CEP85L: variants seen among roughly 807,000 people sequenced by gnomAD.
CEP85L encodes the protein centrosomal protein of 85 kDa-like.
A neutral mutation model predicts 100.3 loss-of-function variants in CEP85L; 60 were observed. That is an observed-to-expected ratio of 0.60 (90% CI 0.49 to 0.74). CEP85L has a LOEUF of 0.74. Among genes scored for constraint, CEP85L ranks in the 30% least tolerant of loss-of-function variants. CEP85L has a pLI of 0.00. For synonymous variants in CEP85L, 319 were observed against 322.7 expected (o/e 0.99, Z 0.12); for missense variants, 973 against 936.2 (o/e 1.04, Z -0.51).
chr6:118,586,727 AC>A (rs1023389351), intron 2 of CEP85L, among the ~76,000 whole-genome samples: 1 of 152,178 alleles, frequency 6.6e-6, no homozygotes, highest in Non-Finnish European at 1.5e-5. Context: ...ATTCAGTCTC[AC>A]CCCTACCTCA....
intron 5 of CEP85L, among the ~76,000 whole-genome samples, chr6:118,495,864 A>G (rs1774884708): frequency 6.6e-6 from 1 of 152,236 alleles, no homozygotes; most frequent in South Asian, 2.1e-4. Context: ...GTGGTATGCA[A>G]TCCAGGTTGA....
At chr6:118,527,539 CAG>C (rs1413394017) in intron 3 of CEP85L, among the ~76,000 whole-genome samples, 1 of 152,096 alleles carries the variant, frequency 6.6e-6, no homozygotes, top group Admixed American at 6.5e-5. Flanking sequence ...ATATTATTAA[CAG>C]AAACTCTCTA....
intron 2 of CEP85L, among the ~76,000 whole-genome samples, chr6:118,630,076 T>C (rs191513598): frequency 2.0e-5 from 3 of 152,334 alleles, no homozygotes; most frequent in Admixed American, 6.5e-5. Context: ...ACTTCTTCCC[T>C]ACATTTCACC....
intron 2 of CEP85L, among the ~76,000 whole-genome samples, chr6:118,567,267 A>G (rs1297694010): frequency 3.5e-5 from 5 of 141,966 alleles, no homozygotes; most frequent in East Asian, 2.1e-4. Context: ...ATATATATAT[A>G]TATATATATA....
intron 1 of CEP85L, among the ~76,000 whole-genome samples, chr6:118,650,755 C>T (rs1324642134): frequency 6.6e-6 from 1 of 152,146 alleles, no homozygotes; most frequent in Non-Finnish European, 1.5e-5. Flanking sequence ...CGGGAGGGCG[C>T]GGAACTGCGG....
chr6:118,646,610 T>C (rs1775211175), intron 1 of CEP85L, among the ~76,000 whole-genome samples: 2 of 151,646 alleles, frequency 1.3e-5, no homozygotes, highest in South Asian at 4.2e-4. Flanking sequence ...CGGAGGTTGC[T>C]GTGAGCCGAG....
At chr6:118,515,143 G>A (rs1324025713) in intron 4 of CEP85L, among the ~76,000 whole-genome samples, 2 of 151,792 alleles carry the variant, frequency 1.3e-5, no homozygotes, top group African/African-American at 2.4e-5. Context: ...TATTGCCAGG[G>A]ACAAAAATTA....
chr6:118,663,498 A>T (rs1490335530), intron 1 of CEP85L, among the ~76,000 whole-genome samples: 4 of 152,240 alleles, frequency 2.6e-5, no homozygotes, highest in Non-Finnish European at 5.9e-5. Flanking sequence ...AAAGGATATG[A>T]AGTTGCATAT....
intron 6 of CEP85L, among the ~76,000 whole-genome samples, chr6:118,490,917 C>A (rs1774512002): frequency 6.6e-6 from 1 of 151,194 alleles, no homozygotes; most frequent in African/African-American, 2.4e-5. Flanking sequence ...TTTTCTTTAT[C>A]GATTCTTTGC....
chr6:118,585,794 G>C lies in CEP85L; in HGVS notation c.233-19478C>G, dbSNP rs117835601. Reference sequence around the variant, plus strand: ...AAGTCTGTCTTAAAAATAATCCCCTGAACAGGCGACTCCTTCCTCCTCAAA... The same window carrying C: ...AAGTCTGTCTTAAAAATAATCCCCTCAACAGGCGACTCCTTCCTCCTCAAA... On this transcript the variant is annotated intron_variant, in intron 2 of 12. Transcript: ENST00000368491. 1.9e-3 allele frequency among the ~76,000 whole-genome samples: 293 copies of C among 152,246 alleles called. 2 individuals are homozygous for C. The highest frequency in any genetic ancestry group is 3.0e-3 in the Non-Finnish European group (203 of 68,006).
At chr6:118,492,526 T>C (rs1234242117) in intron 5 of CEP85L, among the ~76,000 whole-genome samples, 1 of 152,136 alleles carries the variant, frequency 6.6e-6, no homozygotes, top group Non-Finnish European at 1.5e-5. Context: ...AAGGGGAAGA[T>C]ATTCCCTCTC....
chr6:118,605,546 A>G (rs1772135092), intron 2 of CEP85L, among the ~76,000 whole-genome samples: 2 of 152,208 alleles, frequency 1.3e-5, no homozygotes, highest in South Asian at 4.1e-4. Context: ...AACACAATGC[A>G]AAACAGAACA....
chr6:118,586,328 G>A (rs1258381747), intron 2 of CEP85L, among the ~76,000 whole-genome samples: 3 of 152,106 alleles, frequency 2.0e-5, no homozygotes, highest in Non-Finnish European at 2.9e-5. Context: ...TATTAGATCG[G>A]GAAACCTCTG....
intron 2 of CEP85L, among the ~76,000 whole-genome samples, chr6:118,576,715 T>C (rs2115053511): frequency 6.6e-6 from 1 of 152,278 alleles, no homozygotes; most frequent in African/African-American, 2.4e-5. Flanking sequence ...TTTAGGGCAC[T>C]GCCCTAAAAC....
At chr6:118,618,148 C>T (rs1398401054) in intron 2 of CEP85L, among the ~76,000 whole-genome samples, 1 of 152,078 alleles carries the variant, frequency 6.6e-6, no homozygotes, top group African/African-American at 2.4e-5. Flanking sequence ...GAGACCATGG[C>T]CCCACCAGAG....
rs1295722186 is a variant in CEP85L, at chr6:118,526,062, TGAAAA to T, written c.1021-2147_1021-2143del. 3.9e-5 allele frequency among the ~76,000 whole-genome samples: 6 copies of T among 152,180 alleles called. No homozygotes were observed. The East Asian group carries it at 1.2e-3, about 29-fold the overall frequency. On this transcript the variant is annotated intron_variant, in intron 3 of 12. Coordinates refer to ENST00000368491, the MANE Select transcript of CEP85L (RefSeq NM_001042475.3). ...GAACAGACTAAGGATAGAGATCAGT[TGAAAA>T]GAAGGCACATACTTTTGTCAGATGG...
chr6:118,608,432 T>C (rs1022427078), intron 2 of CEP85L, among the ~76,000 whole-genome samples: 5 of 151,900 alleles, frequency 3.3e-5, no homozygotes, highest in African/African-American at 1.2e-4. Flanking sequence ...GAGGCAGAGG[T>C]TGCAGTGAGC....
At chr6:118,685,083 A>G (rs1365929687) in intron 1 of CEP85L, among the ~76,000 whole-genome samples, 1 of 152,268 alleles carries the variant, frequency 6.6e-6, no homozygotes, top group Non-Finnish European at 1.5e-5. Context: ...TGTGAAAGGC[A>G]GATGAAGAAA....
chr6:118,628,773 C>T (rs1350298427), intron 2 of CEP85L, among the ~76,000 whole-genome samples: 1 of 152,082 alleles, frequency 6.6e-6, no homozygotes, highest in Non-Finnish European at 1.5e-5. Context: ...ATGTAAAACA[C>T]AAAACTATAA....
Sources: gnomAD v4.1 joint callset for allele counts (sites outside exome capture counted in the v4.1 genomes callset) on GRCh38, gnomAD v4.1.1 for gene constraint, MANE v1.5 for transcripts, NCBI Gene and HGNC (gene_info 2026-07-23, HGNC 2026-07-21) for gene names.